Variants in PLCB1 observed in about 807,000 individuals in gnomAD.
PLCB1 encodes the protein phospholipase C beta 1.
Under a neutral mutation model 161.8 loss-of-function variants are expected in PLCB1, and 46 were observed. That is an observed-to-expected ratio of 0.28 (90% CI 0.22 to 0.36). PLCB1 has a LOEUF of 0.36. PLCB1 is among the 10% of genes least tolerant of loss of function. PLCB1 has a pLI of 1.00. For synonymous variants in PLCB1, 517 were observed against 503.7 expected (o/e 1.03, Z -0.35); for missense variants, 1,016 against 1,472.5 (o/e 0.69, Z 5.07).
rs2123465777 is a variant in PLCB1, at chr20:8,716,339, A to C, written c.1326A>C (p.Glu442Asp). 1 of 1,612,206 alleles carries C rather than the reference A, an allele frequency of 6.2e-7. No homozygotes were observed. The highest frequency in any genetic ancestry group is 2.2e-5 in the East Asian group (1 of 44,860). Residue 442 changes from glutamate to aspartate, a missense_variant, in exon 13 of 32, where the codon GAA becomes GAC. Around this residue, in one of 10 missense-constraint regions of PLCB1, gnomAD observed 56 missense variants for 126.3 expected, o/e 0.44. Transcript: ENST00000338037. ...ATGCCCTTCTCATGGAGCCCCTGGAAAAATATCCAGTAAGCAGTTCTGATG... is the reference window on the plus strand; with the variant it reads ...ATGCCCTTCTCATGGAGCCCCTGGACAAATATCCAGTAAGCAGTTCTGATG... ...FGDALLMEPL[E>D]KYPLESGVPL...
intron 23 of PLCB1, among the ~76,000 whole-genome samples, chr20:8,756,084 T>A (rs538240757): frequency 1.3e-5 from 2 of 152,158 alleles, no homozygotes; most frequent in South Asian, 2.1e-4. Flanking sequence ...TTGTCAGGGT[T>A]TTTTGGGTTT....
intron 2 of PLCB1, among the ~76,000 whole-genome samples, chr20:8,281,615 A>C (rs991178436): frequency 2.0e-5 from 3 of 152,144 alleles, no homozygotes; most frequent in Non-Finnish European, 4.4e-5. Flanking sequence ...AGACTTTGTA[A>C]CTTTGGCTTA....
chr20:8,374,513 G>A (rs1351954915), intron 3 of PLCB1, among the ~76,000 whole-genome samples: 2 of 152,110 alleles, frequency 1.3e-5, no homozygotes, highest in Admixed American at 1.3e-4. Flanking sequence ...GCAGCTCCTG[G>A]CCTCCCCACC....
At chr20:8,549,768 G>A (rs149384452) in intron 3 of PLCB1, among the ~76,000 whole-genome samples, 1,613 of 152,178 alleles carry the variant, frequency 0.011, 12 homozygotes, top group Non-Finnish European at 0.016. Context: ...ACAAGGTTTT[G>A]CCATGTTGCC....
chr20:8,881,592 CAA>C (rs1987992607), intron 31 of PLCB1, 28 bp from the exon 32 acceptor site: 2 of 1,554,262 alleles, frequency 1.3e-6, no homozygotes, highest in Non-Finnish European at 8.9e-7. Context: ...TAAACAACTT[CAA>C]GTCATCTCCC....
intron 2 of PLCB1, among the ~76,000 whole-genome samples, chr20:8,151,624 G>T (rs1427670373): frequency 6.6e-6 from 1 of 152,046 alleles, no homozygotes; most frequent in Non-Finnish European, 1.5e-5. Context: ...ATTCTGTTTG[G>T]TTTCCTGCTG....
intron 10 of PLCB1, among the ~76,000 whole-genome samples, chr20:8,688,638 A>G (rs6133603): frequency 0.32 from 47,910 of 152,044 alleles, 8,855 homozygotes; most frequent in African/African-American, 0.49. Flanking sequence ...TTGCTTTGTC[A>G]AAGATCAGTT....
intron 31 of PLCB1, among the ~76,000 whole-genome samples, chr20:8,814,502 A>G (rs1006196922): frequency 6.6e-6 from 1 of 151,968 alleles, no homozygotes; most frequent in African/African-American, 2.4e-5. Context: ...GTAGTGTTCC[A>G]TCTATCCATC....
intron 3 of PLCB1, among the ~76,000 whole-genome samples, chr20:8,612,458 A>G (rs1220428155): frequency 6.6e-6 from 1 of 152,136 alleles, no homozygotes; most frequent in Non-Finnish European, 1.5e-5. Context: ...TGGTTGTTTC[A>G]CTGCTTAACC....
intron 31 of PLCB1, among the ~76,000 whole-genome samples, chr20:8,857,755 A>C (rs1987117523): frequency 6.6e-6 from 1 of 152,216 alleles, no homozygotes; most frequent in Non-Finnish European, 1.5e-5. Flanking sequence ...ATTTCCTACT[A>C]AGATGAGTAT....
intron 3 of PLCB1, among the ~76,000 whole-genome samples, chr20:8,374,368 G>A (rs1488414438): frequency 6.6e-6 from 1 of 152,188 alleles, no homozygotes; most frequent in African/African-American, 2.4e-5. Context: ...GCAAAACTGT[G>A]AGTCAGTTAA....
chr20:8,453,517 A>G (rs779595363), intron 3 of PLCB1, among the ~76,000 whole-genome samples: 62 of 152,192 alleles, frequency 4.1e-4, no homozygotes, highest in African/African-American at 1.3e-3. Context: ...AACACTTGCT[A>G]TATGTGGGCT....
chr20:8,479,434 C>T (rs995233148), intron 3 of PLCB1, among the ~76,000 whole-genome samples: 1 of 152,156 alleles, frequency 6.6e-6, no homozygotes, highest in Non-Finnish European at 1.5e-5. Flanking sequence ...AGCTTTAATA[C>T]TGCAAGATCT....
chr20:8,237,562 ATATTTCAT>A (rs1446887310), intron 2 of PLCB1, among the ~76,000 whole-genome samples: 1 of 152,108 alleles, frequency 6.6e-6, no homozygotes, highest in Non-Finnish European at 1.5e-5. Flanking sequence ...GATAAAAATC[ATATTTCAT>A]TGTATTTTAC....
intron 3 of PLCB1, among the ~76,000 whole-genome samples, chr20:8,433,141 T>G (rs1205353344): frequency 1.3e-5 from 2 of 152,214 alleles, no homozygotes; most frequent in African/African-American, 4.8e-5. Context: ...GCAAATTCCT[T>G]GCAGCATCCG....
At chr20:8,212,797 G>A (rs1366488533) in intron 2 of PLCB1, among the ~76,000 whole-genome samples, 3 of 152,080 alleles carry the variant, frequency 2.0e-5, no homozygotes, top group African/African-American at 7.2e-5. Context: ...CACATGCAGA[G>A]ACTCCCAAAG....
At chr20:8,208,244 C>G (rs986487089) in intron 2 of PLCB1, among the ~76,000 whole-genome samples, 1 of 152,018 alleles carries the variant, frequency 6.6e-6, no homozygotes, top group Non-Finnish European at 1.5e-5. Context: ...AATTCTTGGG[C>G]TGTTGGATGG....
At chr20:8,532,850 TTTTTA>T (rs780863130) in intron 3 of PLCB1, among the ~76,000 whole-genome samples, 12 of 152,114 alleles carry the variant, frequency 7.9e-5, no homozygotes, top group African/African-American at 2.2e-4. Context: ...TTTTTCTTCC[TTTTTA>T]TTTTATTTTA....
At chr20:8,173,991 G>A (rs1013262008) in intron 2 of PLCB1, among the ~76,000 whole-genome samples, 1 of 152,106 alleles carries the variant, frequency 6.6e-6, no homozygotes, top group Non-Finnish European at 1.5e-5. Flanking sequence ...ACTGAGCTCC[G>A]GGGACCTGTG....
Sources: gnomAD v4.1 joint callset for allele counts (sites outside exome capture counted in the v4.1 genomes callset) on GRCh38, gnomAD v4.1.1 for gene constraint, gnomAD v4.1.1 regional missense constraint, MANE v1.5 for transcripts, NCBI Gene and HGNC (gene_info 2026-07-23, HGNC 2026-07-21) for gene names.